Variants in CCNH observed in about 807,000 individuals in gnomAD.
CCNH encodes the protein cyclin H, also known as cyclin-H.
A neutral mutation model predicts 41.9 loss-of-function variants in CCNH; 31 were observed. The observed-to-expected ratio is 0.74, with a 90% CI of 0.56 to 1.00. CCNH has a LOEUF of 1.00. Ranked by LOEUF, CCNH falls within the 50% of genes least tolerant of loss-of-function variation. The probability of loss-of-function intolerance (pLI) is 0.00; values close to 1 mark genes in which losing one functional copy is unlikely to be tolerated. For missense variants in CCNH, 362 were observed against 388.4 expected (o/e 0.93, Z 0.57); for synonymous variants, 138 against 136.1 (o/e 1.01, Z -0.10).
At chr5:87,372,245 CTT>C (rs746431216), downstream of CCNH, 3 of 1,517,376 alleles carry the variant, frequency 2.0e-6, no homozygotes, top group Non-Finnish European at 2.7e-6. Context: ...TGCTCTAACA[CTT>C]TGCTCTTTTT....
At chr5:87,316,555 A>G (rs1011406592), downstream of CCNH, among the ~76,000 whole-genome samples, 6 of 152,128 alleles carry the variant, frequency 3.9e-5, no homozygotes, top group African/African-American at 1.4e-4. Flanking sequence ...CACTATCTAA[A>G]TATCTTTCTT....
intron 6 of CCNH, among the ~76,000 whole-genome samples, chr5:87,400,941 G>T (rs1763359698): frequency 6.6e-6 from 1 of 152,140 alleles, no homozygotes; most frequent in South Asian, 2.1e-4. Context: ...TAATGACAGG[G>T]TTTCTCAACA....
chr5:87,314,621 T>A (rs936322649), downstream of CCNH, among the ~76,000 whole-genome samples: 1 of 152,078 alleles, frequency 6.6e-6, no homozygotes, highest in Non-Finnish European at 1.5e-5. Context: ...AAACCAGCAA[T>A]AGATGGTTCA....
chr5:87,319,970 T>C (rs930430449), intron 9 of CCNH, among the ~76,000 whole-genome samples: 2 of 152,230 alleles, frequency 1.3e-5, no homozygotes, highest in African/African-American at 2.4e-5. Context: ...AGGTCACATC[T>C]TGAATGCTTT....
chr5:87,392,496 GTT>G, downstream of CCNH: 1 of 375,318 alleles, frequency 2.7e-6, no homozygotes, highest in South Asian at 2.0e-5. Context: ...CACCCCTTCT[GTT>G]TTTTAGCTGG....
chr5:87,389,360 AT>A (rs1762304935), downstream of CCNH: 2 of 1,613,038 alleles, frequency 1.2e-6, no homozygotes, highest in African/African-American at 1.3e-5. Flanking sequence ...GAAGATTTGT[AT>A]TTCTAAATGC....
chr5:87,362,918 T>C (rs1256102078), intron 9 of CCNH, among the ~76,000 whole-genome samples: 1 of 151,346 alleles, frequency 6.6e-6, no homozygotes, highest in African/African-American at 2.4e-5. Flanking sequence ...TTTTTTTTTT[T>C]GAGGAACTCC....
intron 9 of CCNH, among the ~76,000 whole-genome samples, chr5:87,370,540 T>C (rs1420554046): frequency 6.6e-6 from 1 of 152,206 alleles, no homozygotes; most frequent in Non-Finnish European, 1.5e-5. Context: ...CTTATGCCTG[T>C]AGTCCCAGCC....
chr5:87,394,841 G>A, intron 8 of CCNH: 1 of 1,368,926 alleles, frequency 7.3e-7, no homozygotes, highest in Non-Finnish European at 9.4e-7. Context: ...AACACAGGAA[G>A]GATTCTTCAT....
chr5:87,399,195 T>C (rs1482885769), intron 7 of CCNH, among the ~76,000 whole-genome samples, 199 bp downstream of exon 7: 1 of 152,030 alleles, frequency 6.6e-6, no homozygotes, highest in Non-Finnish European at 1.5e-5. Context: ...AACATATGAG[T>C]CACAGCAGGA....
intron 9 of CCNH, among the ~76,000 whole-genome samples, chr5:87,355,701 T>C (rs562142295): frequency 1.3e-5 from 2 of 152,362 alleles, no homozygotes; most frequent in Admixed American, 6.5e-5. Flanking sequence ...TAGTGACTTA[T>C]GGATCTGGGC....
chr5:87,331,477 G>A lies in CCNH; in HGVS notation c.*91-12580C>T. The A allele has an allele frequency of 6.2e-7, 1 of 1,613,820 alleles. No individual in the cohort carries two copies. The highest frequency in any genetic ancestry group is 8.5e-7 in the Non-Finnish European group (1 of 1,179,828). ...CCTTTGTACTTTCATTTCTTAGCCA[G>A]ATGAATGTTGTCAACCATTTTAGGT... is the stretch of plus-strand genomic sequence containing the variant. On this transcript the variant is annotated intron_variant and NMD_transcript_variant, in intron 9 of 9. Transcript: ENST00000645953.
downstream of CCNH, chr5:87,392,230 C>G (rs1045050043): frequency 8.8e-6 from 4 of 455,670 alleles, no homozygotes; most frequent in African/African-American, 8.0e-5. Context: ...ATTCCAAGAG[C>G]AACACTTTAT....
intron 9 of CCNH, chr5:87,333,470 G>C: frequency 7.3e-7 from 1 of 1,373,210 alleles, no homozygotes; most frequent in South Asian, 1.4e-5. Flanking sequence ...TTTGATATTG[G>C]GTCTGTTGGT....
At chr5:87,378,970 T>C (rs1388607082), upstream of CCNH, among the ~76,000 whole-genome samples, 1 of 152,190 alleles carries the variant, frequency 6.6e-6, no homozygotes, top group Non-Finnish European at 1.5e-5. Context: ...AAAATCTTTT[T>C]AGGATTATTA....
Position 87,412,757 on chromosome 5 carries a change from A to G in CCNH, c.38T>C (p.Phe13Ser), listed in dbSNP as rs777180854. 2 of 1,614,182 alleles carry G rather than the reference A, an allele frequency of 1.2e-6. No homozygotes were observed. The highest frequency in any genetic ancestry group is 1.3e-5 in the African/African-American group (1 of 75,052). Residue 13 changes from phenylalanine (F) to serine (S), a missense_variant, in exon 1 of 9, where the codon TTC becomes TCC. Coordinates refer to ENST00000256897, the MANE Select transcript of CCNH (RefSeq NM_001239.4). ...HNSSQKRHWT[F>S]SSEEQLARLR... ...TCTTGCCAGCTGCTCCTCGCTGGAG[A>G]AGGTCCAGTGCCGCTTCTGACTACT...
chr5:87,383,606 AT>A (rs1761874740), intron 9 of CCNH: 1 of 786,362 alleles, frequency 1.3e-6, no homozygotes, highest in Admixed American at 2.9e-5. Context: ...AGTGAATTTT[AT>A]GGGTTCTATG....
intron 4 of CCNH, 57 bp from the exon 5 acceptor site, chr5:87,405,064 A>G (rs779185886): frequency 2.3e-5 from 29 of 1,280,502 alleles, no homozygotes; most frequent in Non-Finnish European, 3.1e-5. Context: ...GAGTATAACA[A>G]CAGTTTAAAA....
chr5:87,341,160 C>T, intron 9 of CCNH: 1 of 510,084 alleles, frequency 2.0e-6, no homozygotes, highest in Non-Finnish European at 3.1e-6. Context: ...TGAACAGAAA[C>T]ATCTTTTTTT....
Sources: gnomAD v4.1 joint callset for allele counts (sites outside exome capture counted in the v4.1 genomes callset) on GRCh38, gnomAD v4.1.1 for gene constraint, MANE v1.5 for transcripts, NCBI Gene and HGNC (gene_info 2026-07-23, HGNC 2026-07-21) for gene names.